The following HS3ST4 variants were observed in gnomAD, a reference collection of about 807,000 sequenced individuals.
HS3ST4 encodes heparan sulfate glucosamine 3-O-sulfotransferase 4.
A neutral mutation model predicts 29.2 loss-of-function variants in HS3ST4; 17 were observed. The ratio of observed to expected loss-of-function variants is 0.58; its 90% CI spans 0.40 to 0.87. The LOEUF is 0.87. Ranked by LOEUF, HS3ST4 falls within the 40% of genes least tolerant of loss-of-function variation. HS3ST4 has a pLI of 0.00. For missense variants in HS3ST4, 627 were observed against 634.5 expected (o/e 0.99, Z 0.13); for synonymous variants, 314 against 285.7 (o/e 1.10, Z -1.00).
At chr16:25,714,235 C>G (rs1244221438) in intron 1 of HS3ST4, among the ~76,000 whole-genome samples, 1 of 152,180 alleles carries the variant, frequency 6.6e-6, no homozygotes, top group Non-Finnish European at 1.5e-5. Flanking sequence ...AATAAAGACT[C>G]TCTCCACGGC....
intron 1 of HS3ST4, among the ~76,000 whole-genome samples, chr16:25,964,451 T>C (rs1019296670): frequency 4.6e-5 from 7 of 152,180 alleles, no homozygotes; most frequent in Non-Finnish European, 7.3e-5. Context: ...GTACGTACCA[T>C]TGAGTACTTA....
intron 1 of HS3ST4, among the ~76,000 whole-genome samples, chr16:25,774,671 A>G (rs1966845945): frequency 6.6e-6 from 1 of 152,094 alleles, no homozygotes; most frequent in Non-Finnish European, 1.5e-5. Flanking sequence ...AAATAATGCA[A>G]TGTGTAGGAA....
intron 1 of HS3ST4, among the ~76,000 whole-genome samples, chr16:25,701,346 T>C (rs1437457901): frequency 1.3e-5 from 2 of 152,218 alleles, no homozygotes; most frequent in Admixed American, 6.5e-5. Context: ...CTAGGAGATG[T>C]AGCTAGCCCT....
At chr16:25,799,243 A>G (rs937691656) in intron 1 of HS3ST4, among the ~76,000 whole-genome samples, 5 of 152,118 alleles carry the variant, frequency 3.3e-5, no homozygotes, top group African/African-American at 1.2e-4. Flanking sequence ...TCCCATTGTT[A>G]CCTTGAAGTA....
intron 1 of HS3ST4, among the ~76,000 whole-genome samples, chr16:25,930,392 T>C (rs8056908): frequency 0.017 from 2,550 of 152,336 alleles, 95 homozygotes; most frequent in African/African-American, 0.059. Context: ...AAATTCAATC[T>C]CAAAACCCAT....
chr16:26,058,917 T>C (rs1439814875), intron 1 of HS3ST4, among the ~76,000 whole-genome samples: 1 of 152,178 alleles, frequency 6.6e-6, no homozygotes, highest in African/African-American at 2.4e-5. Flanking sequence ...AGGATGATTT[T>C]TCTGGCCCCA....
chr16:26,131,767 T>G (rs993613854), intron 1 of HS3ST4, among the ~76,000 whole-genome samples: 2 of 152,108 alleles, frequency 1.3e-5, no homozygotes, highest in African/African-American at 4.8e-5. Flanking sequence ...AAAAGGAAGA[T>G]TAAGGCATCA....
intron 1 of HS3ST4, among the ~76,000 whole-genome samples, chr16:26,112,341 C>G (rs1246307291): frequency 6.8e-6 from 1 of 147,818 alleles, no homozygotes; most frequent in East Asian, 2.0e-4. Flanking sequence ...AAGTGCTTTT[C>G]CACATTATAA....
At chr16:25,853,352 T>C (rs1402304695) in intron 1 of HS3ST4, among the ~76,000 whole-genome samples, 1 of 151,948 alleles carries the variant, frequency 6.6e-6, no homozygotes, top group Non-Finnish European at 1.5e-5. Context: ...ACAGAGACAA[T>C]TTAACTTCTT....
intron 1 of HS3ST4, among the ~76,000 whole-genome samples, chr16:26,029,952 C>T (rs949685324): frequency 1.3e-5 from 2 of 152,182 alleles, no homozygotes; most frequent in Non-Finnish European, 2.9e-5. Context: ...GAAAAACACC[C>T]GTCCCCTGAG....
intron 1 of HS3ST4, among the ~76,000 whole-genome samples, chr16:25,773,473 CAG>C (rs1230542271): frequency 1.3e-5 from 2 of 152,168 alleles, no homozygotes; most frequent in African/African-American, 2.4e-5. Context: ...TCCTTGAAGA[CAG>C]GGGTTGTACC....
chr16:25,998,113 A>G (rs1217708429), intron 1 of HS3ST4, among the ~76,000 whole-genome samples: 1 of 152,018 alleles, frequency 6.6e-6, no homozygotes, highest in Non-Finnish European at 1.5e-5. Flanking sequence ...ACCTTAAAAC[A>G]TTAGCCAGGT....
chr16:25,830,011 G>A (rs1967277079), intron 1 of HS3ST4, among the ~76,000 whole-genome samples: 1 of 151,972 alleles, frequency 6.6e-6, no homozygotes, highest in African/African-American at 2.4e-5. Flanking sequence ...TTTAAGTAGA[G>A]ACGTGGTTTC....
At chr16:26,125,541 G>A (rs900343386) in intron 1 of HS3ST4, among the ~76,000 whole-genome samples, 9 of 152,244 alleles carry the variant, frequency 5.9e-5, no homozygotes, top group Admixed American at 4.6e-4. Flanking sequence ...CTGGTCTGCA[G>A]CCCAGCGGTT....
intron 1 of HS3ST4, among the ~76,000 whole-genome samples, chr16:26,055,777 A>G (rs146519882): frequency 6.6e-6 from 1 of 152,116 alleles, no homozygotes; most frequent in African/African-American, 2.4e-5. Flanking sequence ...TTTGGGATGA[A>G]TAATATGCTG....
intron 1 of HS3ST4, among the ~76,000 whole-genome samples, chr16:25,871,470 G>A (rs1967752164): frequency 2.0e-5 from 3 of 152,092 alleles, no homozygotes; most frequent in Non-Finnish European, 4.4e-5. Context: ...GATAGATTCA[G>A]GAGAGAGGTT....
intron 1 of HS3ST4, among the ~76,000 whole-genome samples, chr16:25,920,248 A>C (rs1281928782): frequency 6.6e-6 from 1 of 152,164 alleles, no homozygotes; most frequent in Non-Finnish European, 1.5e-5. Context: ...AGCAGCTATA[A>C]ATTAAATCAA....
intron 1 of HS3ST4, among the ~76,000 whole-genome samples, chr16:25,989,326 G>A (rs1485054660): frequency 1.3e-5 from 2 of 152,210 alleles, no homozygotes; most frequent in African/African-American, 2.4e-5. Flanking sequence ...ACAATACAAG[G>A]TTAAGGAGTT....
chr16:25,858,925 C>T lies in HS3ST4; in HGVS notation c.734+165774C>T, dbSNP rs189955699. On this transcript the variant is annotated intron_variant, in intron 1 of 1. Coordinates refer to ENST00000331351, the MANE Select transcript of HS3ST4 (RefSeq NM_006040.3). Reference sequence around the variant, plus strand: ...CCAATTCTTTAACTCGAGAATACACCAGAAACCTGCAACTTTTTGTCTTTC... The same window carrying T: ...CCAATTCTTTAACTCGAGAATACACTAGAAACCTGCAACTTTTTGTCTTTC... Among the ~76,000 whole-genome samples the T allele has an allele frequency of 2.6e-3, 398 of 152,038 alleles. 7 individuals carry two copies. The highest frequency in any genetic ancestry group is 0.023 in the Admixed American group (348 of 15,248).
Sources: allele counts gnomAD v4.1 joint callset (sites outside exome capture counted in the v4.1 genomes callset), GRCh38; gene constraint gnomAD v4.1.1; transcripts MANE v1.5; gene names NCBI Gene and HGNC (gene_info 2026-07-23, HGNC 2026-07-21).